PNKD: variants seen among roughly 807,000 people sequenced by gnomAD.
PNKD encodes PNKD metallo-beta-lactamase domain containing.
PNKD carries 36 observed loss-of-function variants against 45.3 expected under a neutral mutation model. The observed-to-expected ratio is 0.80, with a 90% CI of 0.61 to 1.05. The LOEUF (loss-of-function observed/expected upper bound fraction) is 1.05, where lower values mean the gene tolerates loss of function less well. Among genes scored for constraint, PNKD ranks in the 50% least tolerant of loss-of-function variants. The pLI is 0.00. For synonymous variants in PNKD, 197 were observed against 210.1 expected (o/e 0.94, Z 0.54); for missense variants, 511 against 506.6 (o/e 1.01, Z -0.08).
rs747570232 is a variant in PNKD at position 218,343,589 on chromosome 2, G to A, written c.868+3G>A. On this transcript the variant is annotated splice_donor_region_variant and intron_variant, in intron 8 of 9. Coordinates refer to ENST00000273077, the MANE Select transcript of PNKD (RefSeq NM_015488.5). ...GGATGACACCCTTCTGTGGCCTGGT[G>A]AGACACCCCCTTACTACTCCCCATC... The A allele has an allele frequency of 1.9e-6, 3 of 1,608,782 alleles. No homozygotes were observed. The highest frequency in any genetic ancestry group is 1.1e-5 in the South Asian group (1 of 90,214).
At chr2:218,278,283 T>C in intron 2 of PNKD, 1 of 609,584 alleles carries the variant, frequency 1.6e-6, no homozygotes. Flanking sequence ...ATTTGTTAAC[T>C]GGCTAAAATG....
chr2:218,315,704 C>A (rs2106266499), intron 2 of PNKD, among the ~76,000 whole-genome samples: 1 of 152,278 alleles, frequency 6.6e-6, no homozygotes, highest in South Asian at 2.1e-4. Context: ...AATTTTATAT[C>A]CTTAACCCTT....
intron 2 of PNKD, chr2:218,279,193 C>T: frequency 6.3e-7 from 1 of 1,574,968 alleles, no homozygotes; most frequent in Non-Finnish European, 8.7e-7. Flanking sequence ...TGCCCATGGT[C>T]ACCCTGAGAG....
At chr2:218,277,016 G>A (rs763112151) in intron 2 of PNKD, 1 of 1,614,010 alleles carries the variant, frequency 6.2e-7, no homozygotes, top group African/African-American at 1.3e-5. Flanking sequence ...ATTGGAAGTA[G>A]AGCACAATGC....
At chr2:218,336,486 AT>A (rs1694496117) in intron 2 of PNKD, among the ~76,000 whole-genome samples, 1 of 152,158 alleles carries the variant, frequency 6.6e-6, no homozygotes, top group Admixed American at 6.6e-5. Flanking sequence ...ATGGATGTGT[AT>A]TTAGTTCTTA....
intron 2 of PNKD, among the ~76,000 whole-genome samples, chr2:218,297,199 ATAAGG>A (rs2106249149): frequency 6.6e-6 from 1 of 152,284 alleles, no homozygotes; most frequent in South Asian, 2.1e-4. Context: ...TGGGGGATAG[ATAAGG>A]TAGGGGTGGG....
Position 218,339,774 on chromosome 2 carries a change from GC to G in PNKD, c.237-6del. The G allele has an allele frequency of 6.3e-7, 1 of 1,582,760 alleles. No individual in the cohort carries two copies. ...AAGGCTAATCATAGGCCACCCACTCGCCCTCTAGGTACAGCCTGTACACCCG... is the reference window on the plus strand; with the variant it reads ...AAGGCTAATCATAGGCCACCCACTCGCCTCTAGGTACAGCCTGTACACCCG... On this transcript the variant is annotated splice_region_variant and splice_polypyrimidine_tract_variant and intron_variant, in intron 2 of 9. Coordinates refer to ENST00000273077, the MANE Select transcript of PNKD (RefSeq NM_015488.5).
intron 2 of PNKD, among the ~76,000 whole-genome samples, chr2:218,301,270 G>A (rs529981027): frequency 1.6e-4 from 25 of 152,228 alleles, no homozygotes; most frequent in African/African-American, 5.8e-4. Context: ...GATCTATAGC[G>A]CTGGTCATTG....
chr2:218,344,189 C>G (rs1270401543), intron 8 of PNKD, among the ~76,000 whole-genome samples: 1 of 152,178 alleles, frequency 6.6e-6, no homozygotes, highest in Non-Finnish European at 1.5e-5. Context: ...ACATGCTAGG[C>G]TTGGTGGAGT....
intron 2 of PNKD, among the ~76,000 whole-genome samples, chr2:218,321,336 T>C (rs997643465): frequency 2.4e-4 from 37 of 152,154 alleles, no homozygotes; most frequent in African/African-American, 6.8e-4. Flanking sequence ...CATCTGCAAA[T>C]TGGCTTATCA....
At chr2:218,325,198 C>CTTTTTTTTTTTTTTTT (rs746439948) in intron 2 of PNKD, among the ~76,000 whole-genome samples, 1 of 39,764 alleles carries the variant, frequency 2.5e-5, no homozygotes, top group African/African-American at 1.2e-4. Context: ...CGCACCCGGC[C>CTTTTTTTTTTTTTTTT]TTTTTTTTTT....
chr2:218,315,219 G>A (rs1402479287), intron 2 of PNKD, among the ~76,000 whole-genome samples: 1 of 150,530 alleles, frequency 6.6e-6, no homozygotes, highest in Non-Finnish European at 1.5e-5. Context: ...TCAGCTCACT[G>A]TGACCTCTGC....
intron 2 of PNKD, among the ~76,000 whole-genome samples, chr2:218,336,085 G>T (rs1222421098): frequency 6.6e-6 from 1 of 151,630 alleles, no homozygotes; most frequent in Non-Finnish European, 1.5e-5. Context: ...CGTGGTGGTG[G>T]GTGCCTGTAA....
intron 2 of PNKD, among the ~76,000 whole-genome samples, chr2:218,292,827 A>G (rs1324870039): frequency 1.3e-5 from 2 of 152,154 alleles, no homozygotes; most frequent in African/African-American, 4.8e-5. Flanking sequence ...ACATTTCTGT[A>G]TGTATTTTGT....
intron 2 of PNKD, among the ~76,000 whole-genome samples, chr2:218,288,264 TA>T (rs1378350692): frequency 5.9e-5 from 9 of 151,924 alleles, no homozygotes; most frequent in Admixed American, 2.6e-4. Flanking sequence ...CCATCTCTAC[TA>T]AAAAATACAA....
intron 2 of PNKD, chr2:218,279,342 G>C (rs200268097): frequency 1.4e-5 from 22 of 1,583,438 alleles, no homozygotes; most frequent in Admixed American, 5.5e-5. Context: ...GCACGGAGAT[G>C]ATGGAGTAAA....
intron 2 of PNKD, among the ~76,000 whole-genome samples, chr2:218,339,292 T>G (rs1042388908): frequency 6.6e-6 from 1 of 151,920 alleles, no homozygotes; most frequent in Non-Finnish European, 1.5e-5. Context: ...AGAGTCTCAC[T>G]CTTTGGCCTG....
chr2:218,295,129 A>G (rs915116662), intron 2 of PNKD, among the ~76,000 whole-genome samples: 1 of 152,194 alleles, frequency 6.6e-6, no homozygotes, highest in Admixed American at 6.5e-5. Flanking sequence ...TTCTGACTAT[A>G]GGGTCAAAAA....
rs372844398 is a variant in PNKD, at chr2:218,282,424, T to C, written c.236+10875T>C. 6.6e-5 allele frequency among the ~76,000 whole-genome samples: 10 copies of C among 152,222 alleles called. No individual in the cohort carries two copies. The East Asian group carries it at 9.6e-4, about 15-fold the overall frequency. ...CTCTCACTGTGCAGCTCCCCAGCCA[T>C]AGGAAAGCAGGAGGAAGGATTCGCT... On this transcript the variant is annotated intron_variant, in intron 2 of 9. Transcript: ENST00000273077.
Sources: allele counts gnomAD v4.1 joint callset (sites outside exome capture counted in the v4.1 genomes callset), GRCh38; gene constraint gnomAD v4.1.1; transcripts MANE v1.5; gene names NCBI Gene and HGNC (gene_info 2026-07-23, HGNC 2026-07-21).